EHBP1: variants seen among roughly 807,000 people sequenced by gnomAD.
EHBP1 encodes EH domain binding protein 1.
A neutral mutation model predicts 144.0 loss-of-function variants in EHBP1; 55 were observed. The ratio of observed to expected loss-of-function variants is 0.38; its 90% CI spans 0.31 to 0.48. EHBP1 has a LOEUF of 0.48. Among genes scored for constraint, EHBP1 ranks in the 20% least tolerant of loss-of-function variants. The probability of loss-of-function intolerance (pLI) is 0.98; values close to 1 mark genes in which losing one functional copy is unlikely to be tolerated. For synonymous variants in EHBP1, 469 were observed against 472.7 expected (o/e 0.99, Z 0.10); for missense variants, 1,200 against 1,364.2 (o/e 0.88, Z 1.90).
chr2:62,881,418 GA>G (rs371288881), intron 10 of EHBP1, among the ~76,000 whole-genome samples: 1,299 of 69,790 alleles, frequency 0.019, 6 homozygotes, highest in Middle Eastern at 0.065. Context: ...AGGAAAAACG[GA>G]AAAAAAAAAA....
chr2:62,804,600 T>A lies in EHBP1; in HGVS notation c.313-21487T>A, dbSNP rs573764311. ...ATAAAAATAAAAACTAACGTATATT[T>A]AAAATCATATTAAGACTCATTTTTG... On this transcript the variant is annotated intron_variant, in intron 5 of 22. Transcript: ENST00000431489. 3.3e-5 allele frequency among the ~76,000 whole-genome samples: 5 copies of A among 152,350 alleles called. No individual in the cohort carries two copies. In the South Asian group the frequency reaches 1.0e-3, roughly 32 times the overall value.
intron 10 of EHBP1, among the ~76,000 whole-genome samples, chr2:62,889,131 T>C (rs1373941882): frequency 1.6e-5 from 2 of 127,496 alleles, no homozygotes; most frequent in African/African-American, 5.8e-5. Flanking sequence ...TGGGGCAATC[T>C]CAGCTCACTG....
At chr2:62,934,087 T>C (rs2056203113) in intron 10 of EHBP1, among the ~76,000 whole-genome samples, 4 of 152,328 alleles carry the variant, frequency 2.6e-5, no homozygotes, top group Non-Finnish European at 5.9e-5. Flanking sequence ...TTCTATAGGA[T>C]ATAAACCTAG....
intron 3 of EHBP1, among the ~76,000 whole-genome samples, chr2:62,754,355 C>T (rs2040056670): frequency 6.6e-6 from 1 of 152,118 alleles, no homozygotes; most frequent in South Asian, 2.1e-4. Context: ...CTCTGGAAGC[C>T]TCATCTCAGA....
chr2:63,020,417 C>T (rs935722811), intron 19 of EHBP1, among the ~76,000 whole-genome samples: 47 of 149,078 alleles, frequency 3.2e-4, no homozygotes, highest in Non-Finnish European at 3.1e-4. Flanking sequence ...TCAGGAGAAT[C>T]GCTTGAACCC....
chr2:62,695,003 T>G (rs1274247401), intron 1 of EHBP1, among the ~76,000 whole-genome samples: 1 of 152,142 alleles, frequency 6.6e-6, no homozygotes, highest in African/African-American at 2.4e-5. Flanking sequence ...AATTAGAGGA[T>G]ATGAGGAAAA....
At chr2:62,899,212 G>C (rs1262747487) in intron 10 of EHBP1, among the ~76,000 whole-genome samples, 1 of 152,140 alleles carries the variant, frequency 6.6e-6, no homozygotes, top group Non-Finnish European at 1.5e-5. Context: ...GGAGCTGAAG[G>C]GGTCTTCCCT....
intron 10 of EHBP1, among the ~76,000 whole-genome samples, chr2:62,882,485 T>A (rs2051532005): frequency 6.6e-6 from 1 of 152,228 alleles, no homozygotes; most frequent in Non-Finnish European, 1.5e-5. Flanking sequence ...ACCTATCACT[T>A]GTTTCTCTGA....
chr2:63,035,992 C>T (rs2061427147), intron 19 of EHBP1, among the ~76,000 whole-genome samples: 2 of 151,938 alleles, frequency 1.3e-5, no homozygotes, highest in Admixed American at 6.6e-5. Context: ...TGTCCTAAGT[C>T]GGCTTCGTAC....
At chr2:62,952,379 C>T (rs989766031) in intron 13 of EHBP1, among the ~76,000 whole-genome samples, 16 of 152,062 alleles carry the variant, frequency 1.1e-4, no homozygotes, top group Admixed American at 3.3e-4. Flanking sequence ...TTAACTTCTC[C>T]GAAATCAATA....
chr2:62,773,996 A>C (rs906392342), intron 5 of EHBP1, among the ~76,000 whole-genome samples: 7 of 152,026 alleles, frequency 4.6e-5, no homozygotes, highest in African/African-American at 1.7e-4. Flanking sequence ...ATGCTGTTAC[A>C]GTAGGAGCTC....
intron 7 of EHBP1, among the ~76,000 whole-genome samples, chr2:62,852,401 ACTG>A (rs1331398076): frequency 5.9e-5 from 9 of 151,814 alleles, no homozygotes; most frequent in Non-Finnish European, 2.9e-5. Flanking sequence ...TTCATAATTA[ACTG>A]CTATTATTTC....
At chr2:62,686,612 G>T (rs2151738699) in intron 1 of EHBP1, among the ~76,000 whole-genome samples, 1 of 152,292 alleles carries the variant, frequency 6.6e-6, no homozygotes, top group South Asian at 2.1e-4. Context: ...TTTGTACTGA[G>T]CTGTGTGTAT....
chr2:63,038,050 G>A (rs1292030111), intron 20 of EHBP1, among the ~76,000 whole-genome samples: 1 of 151,868 alleles, frequency 6.6e-6, no homozygotes, highest in African/African-American at 2.4e-5. Context: ...CTAAATTTTG[G>A]GATAAAAGAT....
At chr2:62,839,806 G>T (rs1441190705) in intron 7 of EHBP1, among the ~76,000 whole-genome samples, 2 of 152,140 alleles carry the variant, frequency 1.3e-5, no homozygotes, top group South Asian at 2.1e-4. Context: ...TCTTCAAGGA[G>T]AACTACAAAC....
At chr2:62,799,948 A>C (rs1177454524) in intron 5 of EHBP1, among the ~76,000 whole-genome samples, 1 of 152,236 alleles carries the variant, frequency 6.6e-6, no homozygotes, top group Non-Finnish European at 1.5e-5. Flanking sequence ...AGAGACTGTC[A>C]CATTCAAAGT....
At chr2:62,688,682 A>G (rs2033803207) in intron 1 of EHBP1, among the ~76,000 whole-genome samples, 4 of 151,726 alleles carry the variant, frequency 2.6e-5, no homozygotes, top group Admixed American at 2.6e-4. Flanking sequence ...CTTCTATGAG[A>G]TCAACTTTTT....
chr2:62,881,355 C>G (rs2051398252), intron 10 of EHBP1, among the ~76,000 whole-genome samples: 1 of 141,580 alleles, frequency 7.1e-6, no homozygotes, highest in Non-Finnish European at 1.5e-5. Context: ...ACACAATTTA[C>G]TCATGTAACA....
chr2:62,734,399 CTTT>C (rs70962792), intron 2 of EHBP1, among the ~76,000 whole-genome samples: 6 of 127,766 alleles, frequency 4.7e-5, no homozygotes, highest in African/African-American at 1.7e-4. Context: ...TGGCATGTGT[CTTT>C]TTTTTTTTTT....
Sources: gnomAD v4.1 joint callset for allele counts (sites outside exome capture counted in the v4.1 genomes callset) on GRCh38, gnomAD v4.1.1 for gene constraint, MANE v1.5 for transcripts, NCBI Gene and HGNC (gene_info 2026-07-23, HGNC 2026-07-21) for gene names.